DGKB: variants seen among roughly 807,000 people sequenced by gnomAD.
DGKB encodes the protein diacylglycerol kinase beta.
Under a neutral mutation model 114.3 loss-of-function variants are expected in DGKB, and 67 were observed. The observed-to-expected ratio is 0.59, with a 90% confidence interval of 0.48 to 0.72. The LOEUF (loss-of-function observed/expected upper bound fraction) is 0.72, where lower values mean the gene tolerates loss of function less well. Ranked by LOEUF, DGKB falls within the 30% of genes least tolerant of loss-of-function variation. The pLI is 0.00. For synonymous variants in DGKB, 398 were observed against 323.1 expected (o/e 1.23, Z -2.49); for missense variants, 907 against 975.2 (o/e 0.93, Z 0.93).
At chr7:14,903,369 G>C (rs1009792373), upstream of DGKB, 2 of 152,350 alleles carry the variant, frequency 1.3e-5, no homozygotes, top group African/African-American at 4.8e-5. Flanking sequence ...AATGAGACAG[G>C]GAGACAAGGC....
intron 9 of DGKB, among the ~76,000 whole-genome samples, chr7:14,693,404 T>TTA (rs1166287239): frequency 1.3e-5 from 2 of 152,014 alleles, no homozygotes; most frequent in Non-Finnish European, 2.9e-5. Flanking sequence ...ATTATTATAT[T>TTA]ACATTCTCAT....
intron 1 of DGKB, among the ~76,000 whole-genome samples, chr7:14,868,902 T>C (rs1587035308): frequency 2.0e-5 from 3 of 152,326 alleles, no homozygotes; most frequent in African/African-American, 4.8e-5. Flanking sequence ...CTTCCTTGCA[T>C]GGATGCAAAT....
intron 20 of DGKB, among the ~76,000 whole-genome samples, chr7:14,558,597 T>A (rs1368161545): frequency 6.6e-6 from 1 of 152,184 alleles, no homozygotes; most frequent in East Asian, 1.9e-4. Flanking sequence ...TAATAAATTG[T>A]TCATGGATAT....
chr7:14,690,813 TA>T (rs1410250493), intron 9 of DGKB, among the ~76,000 whole-genome samples: 6 of 152,218 alleles, frequency 3.9e-5, no homozygotes, highest in African/African-American at 9.6e-5. Flanking sequence ...TGGATTTTTT[TA>T]AAAAACAATT....
chr7:14,456,342 C>T (rs1419713148), intron 21 of DGKB, among the ~76,000 whole-genome samples: 1 of 152,000 alleles, frequency 6.6e-6, no homozygotes, highest in Non-Finnish European at 1.5e-5. Context: ...TTTAGGCACT[C>T]AGATGTAGAG....
chr7:14,814,704 G>A (rs1843874439), intron 2 of DGKB, among the ~76,000 whole-genome samples: 1 of 152,138 alleles, frequency 6.6e-6, no homozygotes, highest in Non-Finnish European at 1.5e-5. Flanking sequence ...TGGTTCTGAA[G>A]AGGTAAATTA....
At chr7:14,186,656 G>GGT (rs1187474047) in intron 23 of DGKB, among the ~76,000 whole-genome samples, 1 of 151,986 alleles carries the variant, frequency 6.6e-6, no homozygotes, top group African/African-American at 2.4e-5. Flanking sequence ...AAGAAACTGT[G>GGT]GTATATATAT....
rs780682758 is a variant in DGKB, at chr7:14,149,144, C to T, written c.2399G>A (p.Arg800Gln). ...AACAACACAGGATTATTCCTTGCTT[C>T]GGTTTCTTGTCCTTTTGACGAGGGA... is the stretch of plus-strand genomic sequence containing the variant. ...FCSLVKRTRN[R>Q]SKE The change falls in exon 26 of 26, where the codon CGA becomes CAA. Residue 800 changes from arginine (R) to glutamine (Q), a missense_variant. Physicochemically the swap from Arg to Gln is conservative, Grantham distance 43. Transcript: ENST00000402815. 6 of 1,613,180 alleles carry T rather than the reference C, an allele frequency of 3.7e-6. No homozygotes were observed. Among genetic ancestry groups the T allele is most frequent in the East Asian group, 2.2e-5 (1 of 44,868 alleles).
chr7:14,292,090 A>G (rs571720215), intron 23 of DGKB, among the ~76,000 whole-genome samples: 172 of 152,246 alleles, frequency 1.1e-3, no homozygotes, highest in Non-Finnish European at 2.0e-3. Flanking sequence ...AAAATACAAC[A>G]ATTTATTTGC....
At chr7:14,543,777 C>T (rs981560056) in intron 20 of DGKB, among the ~76,000 whole-genome samples, 1 of 152,168 alleles carries the variant, frequency 6.6e-6, no homozygotes, top group Non-Finnish European at 1.5e-5. Context: ...ACACTGCTAG[C>T]TCAGAAGGTA....
At chr7:14,568,592 C>T (rs79056707) in intron 20 of DGKB, among the ~76,000 whole-genome samples, 3,113 of 152,256 alleles carry the variant, frequency 0.02, 82 homozygotes, top group African/African-American at 0.071. Context: ...CAACATAGAG[C>T]AGAGCCTCTC....
At chr7:14,693,861 G>A (rs1823342021) in intron 9 of DGKB, among the ~76,000 whole-genome samples, 2 of 152,054 alleles carry the variant, frequency 1.3e-5, no homozygotes, top group African/African-American at 4.8e-5. Flanking sequence ...TTTTAATCCT[G>A]AAGTAATACC....
At chr7:14,534,910 G>C (rs958149127) in intron 20 of DGKB, among the ~76,000 whole-genome samples, 1 of 152,024 alleles carries the variant, frequency 6.6e-6, no homozygotes, top group African/African-American at 2.4e-5. Flanking sequence ...AATCACAAAT[G>C]CATGTGAATA....
At chr7:14,803,675 C>T (rs113082028) in intron 2 of DGKB, among the ~76,000 whole-genome samples, 5 of 151,498 alleles carry the variant, frequency 3.3e-5, no homozygotes, top group Non-Finnish European at 5.9e-5. Flanking sequence ...GTTGTGTATG[C>T]GTTTTGGTCT....
chr7:14,826,198 C>T (rs977704372), intron 2 of DGKB, among the ~76,000 whole-genome samples: 1 of 152,072 alleles, frequency 6.6e-6, no homozygotes, highest in African/African-American at 2.4e-5. Flanking sequence ...ATGGATTCGG[C>T]CTGGGAGAAA....
At chr7:14,439,047 A>G (rs1012801987) in intron 21 of DGKB, among the ~76,000 whole-genome samples, 2 of 152,120 alleles carry the variant, frequency 1.3e-5, no homozygotes, top group Admixed American at 1.3e-4. Flanking sequence ...ACTGGAAACA[A>G]CATAGCCAGA....
Position 14,531,251 on chromosome 7 carries a change from G to GA in DGKB, c.1770+42960dup, listed in dbSNP as rs201130027. Among the ~76,000 whole-genome samples, 98 of 150,978 alleles carry GA rather than the reference G, an allele frequency of 6.5e-4. 1 individual carries two copies. Among genetic ancestry groups the GA allele is most frequent in the Middle Eastern group, 3.4e-3 (1 of 292 alleles). Reference sequence around the variant, plus strand: ...TGAAAGTATCTAAATTGAAAGAGAAGAAAAAAAACAATGTTTTCTTTGAAG... The same window carrying GA: ...TGAAAGTATCTAAATTGAAAGAGAAGAAAAAAAAACAATGTTTTCTTTGAAG... On this transcript the variant is annotated intron_variant, in intron 20 of 25. Transcript: ENST00000402815.
rs56032330 is a variant in DGKB at position 14,923,983 on chromosome 7, C to CAAAAAAAA, written c.-188+50705_-188+50712dup. Among the ~76,000 whole-genome samples the CAAAAAAAA allele has an allele frequency of 3.0e-4, 23 of 76,154 alleles. 2 individuals carry two copies. Among genetic ancestry groups the CAAAAAAAA allele is most frequent in the African/African-American group, 1.1e-3 (15 of 13,694 alleles). The allele number at this position is 76,154 out of a possible 152,430, so 50.0% of individuals were successfully genotyped here. A position where few individuals can be genotyped will look rare whatever the true frequency, so the allele number is the denominator to read the frequency against. ...TGGGCAACACAGTGAAGCTCCATCTCAAAAAAAAAAAAAAAAAAAAAGCTT... is the reference window on the plus strand; with the variant it reads ...TGGGCAACACAGTGAAGCTCCATCTCAAAAAAAAAAAAAAAAAAAAAAAAAAAAAGCTT... On this transcript the variant is annotated intron_variant, in intron 1 of 4. Coordinates refer to the DGKB transcript ENST00000437998.
chr7:14,267,318 T>G (rs535591114), intron 23 of DGKB, among the ~76,000 whole-genome samples: 27 of 152,234 alleles, frequency 1.8e-4, no homozygotes, highest in African/African-American at 6.5e-4. Context: ...GAAGAGGCCC[T>G]GAATCTACAT....
Sources: gnomAD v4.1 joint callset for allele counts (sites outside exome capture counted in the v4.1 genomes callset) on GRCh38, gnomAD v4.1.1 for gene constraint, MANE v1.5 for transcripts, NCBI Gene and HGNC (gene_info 2026-07-23, HGNC 2026-07-21) for gene names.